COL4A1: variants seen among roughly 807,000 people sequenced by gnomAD.
COL4A1 encodes the protein collagen type IV alpha 1 chain.
A neutral mutation model predicts 216.6 loss-of-function variants in COL4A1; 40 were observed. That is an observed-to-expected ratio of 0.18 (90% CI 0.14 to 0.24). COL4A1 has a LOEUF of 0.24. Among genes scored for constraint, COL4A1 ranks in the 10% least tolerant of loss-of-function variants. The pLI is 1.00. For missense variants in COL4A1, 1,628 were observed against 2,196.8 expected (o/e 0.74, Z 5.18); for synonymous variants, 839 against 810.7 (o/e 1.03, Z -0.59).
At position 110,219,818 on chromosome 13, in the gene COL4A1, GTA is replaced by G. The variant is rs1349491238; in HGVS notation, c.145-5805_145-5804del. Among the ~76,000 whole-genome samples the G allele has an allele frequency of 8.5e-3, 1,117 of 131,496 alleles. 12 individuals carry two copies. Among genetic ancestry groups the G allele is most frequent in the African/African-American group, 0.028 (949 of 33,546 alleles). The allele number at this position is 131,496 out of a possible 152,430, so 86.3% of individuals were successfully genotyped here. A position where few individuals can be genotyped will look rare whatever the true frequency, so the allele number is the denominator to read the frequency against. ...TATATATGTATATATGTGTATATAT[GTA>G]TATATATGTATGTATGTATATATGT... On this transcript the variant is annotated intron_variant, in intron 2 of 51. Coordinates refer to ENST00000375820, the MANE Select transcript of COL4A1 (RefSeq NM_001845.6).
At chr13:110,181,592 C>T (rs1342906624) in intron 28 of COL4A1, among the ~76,000 whole-genome samples, 3 of 152,142 alleles carry the variant, frequency 2.0e-5, no homozygotes, top group East Asian at 3.8e-4. Flanking sequence ...TCTCTTCCAG[C>T]ACCTCTGCCC....
chr13:110,191,038 T>G (rs1233963215), intron 24 of COL4A1: 1 of 152,214 alleles, frequency 6.6e-6, no homozygotes, highest in Non-Finnish European at 1.5e-5. Context: ...TCCTTCAAAG[T>G]TCTTCTGTCT....
intron 1 of COL4A1, among the ~76,000 whole-genome samples, chr13:110,245,715 T>C (rs1881772745): frequency 2.6e-5 from 4 of 152,218 alleles, no homozygotes; most frequent in African/African-American, 7.2e-5. Flanking sequence ...ATGCTTCCAT[T>C]GCCTGGGACT....
At chr13:110,270,354 T>A (rs1386268409) in intron 1 of COL4A1, among the ~76,000 whole-genome samples, 1 of 151,400 alleles carries the variant, frequency 6.6e-6, no homozygotes, top group East Asian at 2.1e-4. Context: ...TACATCTAAT[T>A]AAGAGGAGAA....
chr13:110,273,592 A>C (rs1883325390), intron 1 of COL4A1, among the ~76,000 whole-genome samples: 1 of 152,222 alleles, frequency 6.6e-6, no homozygotes, highest in Admixed American at 6.5e-5. Context: ...GTTGGAAAAA[A>C]GGGGTTTAAA....
At chr13:110,183,393 G>A (rs938017598) in intron 26 of COL4A1, 117 bp from the exon 27 acceptor site, 25 of 910,686 alleles carry the variant, frequency 2.7e-5, no homozygotes, top group South Asian at 4.2e-5. Flanking sequence ...ACGAGTGCCC[G>A]GAGAGCAGAG....
In COL4A1 at chr13:110,211,659, T is replaced by C; in HGVS notation, c.456A>G (p.Leu152=). The C allele has an allele frequency of 1.2e-6, 2 of 1,612,588 alleles. No homozygotes were observed. Among genetic ancestry groups the C allele is most frequent in the East Asian group, 2.2e-5 (1 of 44,868 alleles). The change falls in exon 8 of 52, where the codon TTA becomes TTG. Residue 152 remains leucine (L), a synonymous_variant. Transcript: ENST00000375820. This position sits in a 1 kb window ranked among gnomAD's most constrained non-coding sequence, Gnocchi z 4.3. Reference sequence around the variant, plus strand: ...AAATAAAATGTACCTTCATCCCTGGTAAGCCTGGTGGTCCCTAAAAAAGAA... The same window carrying C: ...AAATAAAATGTACCTTCATCCCTGGCAAGCCTGGTGGTCCCTAAAAAAGAA... ...GFAGNPGPPG[L]PGMKGDPGEI...
chr13:110,295,736 T>C (rs1346434358), intron 1 of COL4A1, among the ~76,000 whole-genome samples: 7 of 152,174 alleles, frequency 4.6e-5, no homozygotes, highest in African/African-American at 1.7e-4. Flanking sequence ...TCACGGTAAA[T>C]GGCTTTCTGA....
At chr13:110,181,424 A>C in intron 28 of COL4A1, 35 bp from the exon 29 acceptor site, 3 of 1,540,236 alleles carry the variant, frequency 1.9e-6, no homozygotes, top group Non-Finnish European at 1.8e-6. Flanking sequence ...AAACAAACAA[A>C]CAATCATTGC....
chr13:110,176,935 T>C lies in COL4A1; in HGVS notation c.2819A>G (p.Lys940Arg), dbSNP rs1297293994. 5 of 1,614,074 alleles carry C rather than the reference T, an allele frequency of 3.1e-6. No homozygotes were observed. The Admixed American group carries it at 8.3e-5, about 27-fold the overall frequency. The change falls in exon 34 of 52, where the codon AAG becomes AGG. Residue 940 changes from lysine (K) to arginine (R), a missense_variant. Transcript: ENST00000375820. The part of the protein sequence containing the change: ...GLPGKPGSMD[K>R]VDMGSMKGQK... ...GCCCTTCATGCTGCCCATGTCCACCTTATCCATGGAGCCAGGCTTGCCAGG... is the reference window on the plus strand; with the variant it reads ...GCCCTTCATGCTGCCCATGTCCACCCTATCCATGGAGCCAGGCTTGCCAGG...
intron 34 of COL4A1, 31 bp from the exon 35 acceptor site, chr13:110,176,755 C>T: frequency 6.2e-7 from 1 of 1,612,660 alleles, no homozygotes; most frequent in Non-Finnish European, 8.5e-7. Context: ...TAGCAATGAC[C>T]CGCATTTGCT....
intron 1 of COL4A1, among the ~76,000 whole-genome samples, chr13:110,276,138 G>T (rs931507071): frequency 6.6e-6 from 1 of 152,036 alleles, no homozygotes; most frequent in Non-Finnish European, 1.5e-5. Context: ...TAGAGATCAT[G>T]GGAGAGGCCA....
At chr13:110,188,638 G>T (rs1878500654) in intron 24 of COL4A1, among the ~76,000 whole-genome samples, 1 of 152,346 alleles carries the variant, frequency 6.6e-6, no homozygotes, top group Non-Finnish European at 1.5e-5. Context: ...CCTTATGCCT[G>T]TGCCTCTGGA....
intron 1 of COL4A1, among the ~76,000 whole-genome samples, chr13:110,286,157 C>T (rs993292538): frequency 6.6e-6 from 1 of 152,168 alleles, no homozygotes; most frequent in African/African-American, 2.4e-5. Context: ...ACTGACAAGA[C>T]CAAGAACGAC....
Position 110,166,371 on chromosome 13 carries a change from T to C in COL4A1, c.3950-68A>G. The C allele has an allele frequency of 1.6e-5, 16 of 976,594 alleles. No individual in the cohort carries two copies. The South Asian group carries it at 1.8e-4, about 11-fold the overall frequency. 60.5% of individuals were successfully genotyped at this position (976,594 alleles called of 1,614,324 possible). On this transcript the variant is annotated intron_variant, in intron 44 of 51. Coordinates refer to ENST00000375820, the MANE Select transcript of COL4A1 (RefSeq NM_001845.6). Reference sequence around the variant, plus strand: ...TGATATACAAATATGTGTGTGTATATATCTCTCTCTAGTGCACACACATAC... The same window carrying C: ...TGATATACAAATATGTGTGTGTATACATCTCTCTCTAGTGCACACACATAC...
At chr13:110,293,459 T>C (rs1391718995) in intron 1 of COL4A1, among the ~76,000 whole-genome samples, 1 of 152,192 alleles carries the variant, frequency 6.6e-6, no homozygotes, top group Non-Finnish European at 1.5e-5. Context: ...CAAGTGCACA[T>C]CATATAGAAC....
At chr13:110,254,883 C>T (rs1010956868) in intron 1 of COL4A1, among the ~76,000 whole-genome samples, 2 of 152,226 alleles carry the variant, frequency 1.3e-5, no homozygotes, top group African/African-American at 4.8e-5. Context: ...GCTACTCTTA[C>T]TCACTTGGTA....
rs768747022 is a variant in COL4A1, at chr13:110,161,251, C to A, written c.4581G>T (p.Glu1527Asp). 2.5e-6 allele frequency: 4 copies of A among 1,614,052 alleles called. No homozygotes were observed. In the African/African-American group the frequency reaches 5.3e-5, roughly 22 times the overall value. The change falls in exon 49 of 52, where the codon GAG (glutamate) becomes GAT (aspartate). Residue 1527 changes from glutamate (E) to aspartate (D), a missense_variant. Transcript: ENST00000375820. ...TGGGTGCCATTGACATGGGCATGGG[C>A]TCAGGGGTGGACAGCCAGTACGAGT... ...NDYSYWLSTP[E>D]PMPMSMAPIT...
chr13:110,301,781 C>T (rs1884503288), intron 1 of COL4A1, among the ~76,000 whole-genome samples: 2 of 152,140 alleles, frequency 1.3e-5, no homozygotes. Context: ...ATTATCCTTC[C>T]TTACAGTTAC....
Sources: gnomAD v4.1 joint callset for allele counts (sites outside exome capture counted in the v4.1 genomes callset) on GRCh38, gnomAD v4.1.1 for gene constraint, Gnocchi (gnomAD v3.1) non-coding constraint, MANE v1.5 for transcripts, NCBI Gene and HGNC (gene_info 2026-07-23, HGNC 2026-07-21) for gene names.